RBM47: variants seen among roughly 807,000 people sequenced by gnomAD.
RBM47 encodes RNA-binding protein 47.
RBM47 carries 21 observed loss-of-function variants against 47.1 expected under a neutral mutation model. That is an observed-to-expected ratio of 0.45 (90% CI 0.32 to 0.64). The LOEUF is 0.64. Among genes scored for constraint, RBM47 ranks in the 30% least tolerant of loss-of-function variants. The pLI is 0.05. For missense variants in RBM47, 708 were observed against 870.9 expected (o/e 0.81, Z 2.35); for synonymous variants, 375 against 361.7 (o/e 1.04, Z -0.42).
At chr4:40,493,317 G>C (rs778307255) in intron 2 of RBM47, among the ~76,000 whole-genome samples, 2 of 152,162 alleles carry the variant, frequency 1.3e-5, no homozygotes, top group Non-Finnish European at 2.9e-5. Context: ...TGGCATTAAG[G>C]AGGCAGGAGG....
intron 3 of RBM47, among the ~76,000 whole-genome samples, chr4:40,462,558 C>T (rs1198743624): frequency 6.6e-6 from 1 of 152,112 alleles, no homozygotes; most frequent in Non-Finnish European, 1.5e-5. Flanking sequence ...GCCCAACTGC[C>T]GCCTCACTGC....
intron 1 of RBM47, among the ~76,000 whole-genome samples, chr4:40,598,974 G>T (rs1370597035): frequency 1.3e-5 from 2 of 151,708 alleles, no homozygotes; most frequent in Non-Finnish European, 2.9e-5. Context: ...GAAGTCCCTG[G>T]CCAGGCATAG....
At chr4:40,567,484 C>T (rs377487240) in intron 1 of RBM47, among the ~76,000 whole-genome samples, 1 of 152,082 alleles carries the variant, frequency 6.6e-6, no homozygotes, top group African/African-American at 2.4e-5. Context: ...ATCATAAAGC[C>T]CAGCCATGAC....
intron 1 of RBM47, among the ~76,000 whole-genome samples, chr4:40,561,491 T>C (rs1730617500): frequency 6.6e-6 from 1 of 151,894 alleles, no homozygotes; most frequent in Non-Finnish European, 1.5e-5. Context: ...ACCAAAGTGC[T>C]GGGATTACAG....
chr4:40,618,808 CAAAAAAA>C (rs35543412), intron 1 of RBM47, among the ~76,000 whole-genome samples: 2 of 27,608 alleles, frequency 7.2e-5, no homozygotes, highest in Admixed American at 5.3e-4. Context: ...GACTCCATCT[CAAAAAAA>C]AAAAAAAAAA....
chr4:40,545,012 G>T (rs1728881762), intron 1 of RBM47, among the ~76,000 whole-genome samples: 2 of 149,858 alleles, frequency 1.3e-5, no homozygotes, highest in African/African-American at 4.9e-5. Context: ...AGTGAGCTAT[G>T]ATCGTGCACT....
chr4:40,483,106 A>T (rs1461348907), intron 2 of RBM47, among the ~76,000 whole-genome samples: 1 of 152,232 alleles, frequency 6.6e-6, no homozygotes, highest in Non-Finnish European at 1.5e-5. Context: ...GGTCAACTCC[A>T]AGGCTGATCA....
At chr4:40,554,642 T>G (rs1463812200) in intron 1 of RBM47, among the ~76,000 whole-genome samples, 1 of 152,142 alleles carries the variant, frequency 6.6e-6, no homozygotes, top group Non-Finnish European at 1.5e-5. Flanking sequence ...TAGAAATAAT[T>G]CAGCATTCTT....
chr4:40,448,819 T>G (rs755248066), intron 3 of RBM47, among the ~76,000 whole-genome samples: 5 of 152,206 alleles, frequency 3.3e-5, no homozygotes, highest in Non-Finnish European at 5.9e-5. Flanking sequence ...GTTTGTGTTT[T>G]AGAGAGGAGT....
chr4:40,623,836 T>C (rs1737486167), intron 1 of RBM47, among the ~76,000 whole-genome samples: 1 of 134,522 alleles, frequency 7.4e-6, no homozygotes, highest in Non-Finnish European at 1.6e-5. Context: ...CAAAGAGGTA[T>C]AAACTTGTTT....
At chr4:40,482,364 C>T (rs1720550253) in intron 2 of RBM47, among the ~76,000 whole-genome samples, 1 of 152,098 alleles carries the variant, frequency 6.6e-6, no homozygotes, top group African/African-American at 2.4e-5. Context: ...AGCCATTTTC[C>T]CACCTCAGCC....
At chr4:40,496,973 G>A (rs941019351) in intron 2 of RBM47, among the ~76,000 whole-genome samples, 4 of 149,170 alleles carry the variant, frequency 2.7e-5, no homozygotes, top group Non-Finnish European at 5.9e-5. Context: ...CCTGGGAGGC[G>A]GAGGTTGCGG....
chr4:40,501,997 A>G (rs1723439776), intron 2 of RBM47: 1 of 154,326 alleles, frequency 6.5e-6, no homozygotes, highest in Non-Finnish European at 1.5e-5. Context: ...CACAAGCCCC[A>G]CAGCGAGGCC....
At chr4:40,471,910 C>T (rs922734157) in intron 2 of RBM47, among the ~76,000 whole-genome samples, 13 of 152,182 alleles carry the variant, frequency 8.5e-5, no homozygotes, top group African/African-American at 3.1e-4. Flanking sequence ...CCAGCTTGCA[C>T]TCATCCCGAA....
At position 40,438,614 on chromosome 4, in the gene RBM47, C is replaced by T. The variant is rs776189003; in HGVS notation, c.280G>A (p.Val94Met). Residue 94 changes from valine to methionine, a missense_variant, in exon 4 of 7, where the codon GTG becomes ATG. Transcript: ENST00000295971. ...AGGCGCAGCTCGTAGATGCGGCCCACGGCCTCGAACACGGGCACCAGCTCG... is the reference window on the plus strand; with the variant it reads ...AGGCGCAGCTCGTAGATGCGGCCCATGGCCTCGAACACGGGCACCAGCTCG... ...EDELVPVFEAVGRIYELRLMM... is the reference protein window; with the variant it reads ...EDELVPVFEAMGRIYELRLMM... The T allele has an allele frequency of 7.4e-6, 12 of 1,613,654 alleles. No homozygotes were observed. The highest frequency in any genetic ancestry group is 2.2e-5 in the South Asian group (2 of 91,082).
rs1714921407 is a variant in RBM47, at chr4:40,425,709, G to A, written c.*195C>T. 14 of 745,046 alleles carry A rather than the reference G, an allele frequency of 1.9e-5. No individual in the cohort carries two copies. Among genetic ancestry groups the A allele is most frequent in the Non-Finnish European group, 2.9e-5 (14 of 485,786 alleles). The allele number at this position is 745,046 out of a possible 1,614,324, so 46.2% of individuals were successfully genotyped here. A position where few individuals can be genotyped will look rare whatever the true frequency, so the allele number is the denominator to read the frequency against. On this transcript the variant is annotated 3_prime_UTR_variant, in exon 7 of 7. Coordinates refer to ENST00000295971, the MANE Select transcript of RBM47 (RefSeq NM_001098634.2). The stretch of plus-strand genomic sequence containing the variant: ...GCAAGTCTTTTGGAAATGTATGAAC[G>A]TAGGCATGCTAAGTTGAAAATAGTC...
chr4:40,558,521 C>CTA (rs1730305516), intron 1 of RBM47, among the ~76,000 whole-genome samples: 1 of 81,816 alleles, frequency 1.2e-5, no homozygotes, highest in African/African-American at 7.0e-5. Flanking sequence ...TCTATTAAAA[C>CTA]TACAAAAAAA....
At chr4:40,614,207 C>T (rs574739624) in intron 1 of RBM47, among the ~76,000 whole-genome samples, 2 of 152,248 alleles carry the variant, frequency 1.3e-5, no homozygotes, top group African/African-American at 4.8e-5. Flanking sequence ...TTCCTTCCTG[C>T]GACTTAAAGC....
intron 1 of RBM47, among the ~76,000 whole-genome samples, chr4:40,577,832 A>T (rs1299428755): frequency 6.6e-6 from 1 of 152,168 alleles, no homozygotes; most frequent in Non-Finnish European, 1.5e-5. Flanking sequence ...CTGGTGAAGA[A>T]ACCAACAAAC....
Sources: allele counts gnomAD v4.1 joint callset (sites outside exome capture counted in the v4.1 genomes callset), GRCh38; gene constraint gnomAD v4.1.1; transcripts MANE v1.5; gene names NCBI Gene and HGNC (gene_info 2026-07-23, HGNC 2026-07-21).